The following AGBL4 variants were observed in gnomAD, a reference collection of about 807,000 sequenced individuals.
AGBL4 encodes the protein cytosolic carboxypeptidase 6.
Under a neutral mutation model 66.4 loss-of-function variants are expected in AGBL4, and 58 were observed. The ratio of observed to expected loss-of-function variants is 0.87; its 90% CI spans 0.71 to 1.09. AGBL4 has a LOEUF of 1.09. Among genes scored for constraint, AGBL4 ranks in the 50% least tolerant of loss-of-function variants. The probability of loss-of-function intolerance (pLI) is 0.00; values close to 1 mark genes in which losing one functional copy is unlikely to be tolerated. For synonymous variants in AGBL4, 234 were observed against 222.9 expected (o/e 1.05, Z -0.44); for missense variants, 579 against 631.0 (o/e 0.92, Z 0.88).
At chr1:49,382,973 A>G (rs974466081) in intron 3 of AGBL4, among the ~76,000 whole-genome samples, 1 of 152,130 alleles carries the variant, frequency 6.6e-6, no homozygotes, top group Non-Finnish European at 1.5e-5. Flanking sequence ...GACCCTTTTC[A>G]AAAAAGCAGT....
intron 3 of AGBL4, among the ~76,000 whole-genome samples, chr1:49,408,268 G>GA (rs1253366194): frequency 6.6e-6 from 1 of 152,058 alleles, no homozygotes; most frequent in Non-Finnish European, 1.5e-5. Flanking sequence ...AAGCAAGAAA[G>GA]AAAAAATGCA....
chr1:49,379,479 A>T (rs1164261108), intron 3 of AGBL4, among the ~76,000 whole-genome samples: 1 of 152,176 alleles, frequency 6.6e-6, no homozygotes, highest in Non-Finnish European at 1.5e-5. Context: ...CCATTTTAAA[A>T]TACAGCTCCC....
At chr1:49,142,000 G>T (rs1240870996) in intron 4 of AGBL4, among the ~76,000 whole-genome samples, 1 of 152,074 alleles carries the variant, frequency 6.6e-6, no homozygotes, top group Non-Finnish European at 1.5e-5. Flanking sequence ...CGAGGTGGTG[G>T]GGGGGTGGGA....
At chr1:49,030,749 G>C (rs376576514) in intron 5 of AGBL4, among the ~76,000 whole-genome samples, 1 of 151,128 alleles carries the variant, frequency 6.6e-6, no homozygotes, top group African/African-American at 2.4e-5. Flanking sequence ...GTGCCAAAAA[G>C]GTTGGGGACC....
intron 3 of AGBL4, among the ~76,000 whole-genome samples, chr1:49,257,715 A>T (rs1275663907): frequency 6.6e-6 from 1 of 152,132 alleles, no homozygotes; most frequent in Non-Finnish European, 1.5e-5. Context: ...AGTGAGATGA[A>T]CCCGGTACCT....
At chr1:48,870,480 T>A (rs910065570) in intron 5 of AGBL4, among the ~76,000 whole-genome samples, 1 of 152,218 alleles carries the variant, frequency 6.6e-6, no homozygotes, top group Admixed American at 6.5e-5. Flanking sequence ...TATGCTGTTA[T>A]GCCTCTGCAA....
intron 1 of AGBL4, among the ~76,000 whole-genome samples, chr1:49,880,033 T>C (rs939474406): frequency 2.6e-5 from 4 of 151,598 alleles, no homozygotes; most frequent in Admixed American, 1.3e-4. Flanking sequence ...AGCACTTCTC[T>C]GTATTGGTTA....
At chr1:49,800,984 A>G (rs1644847813) in intron 2 of AGBL4, among the ~76,000 whole-genome samples, 1 of 150,292 alleles carries the variant, frequency 6.7e-6, no homozygotes. Flanking sequence ...TCCCACCAAC[A>G]GTGTAAAAGT....
At chr1:49,119,044 T>C (rs1247928513) in intron 4 of AGBL4, among the ~76,000 whole-genome samples, 2 of 152,184 alleles carry the variant, frequency 1.3e-5, no homozygotes, top group African/African-American at 4.8e-5. Flanking sequence ...GGTGGTGATA[T>C]CCTCTTTATC....
At chr1:49,406,635 T>C (rs190007420) in intron 3 of AGBL4, among the ~76,000 whole-genome samples, 25 of 152,292 alleles carry the variant, frequency 1.6e-4, no homozygotes, top group Admixed American at 7.8e-4. Flanking sequence ...TAAGCTCAAC[T>C]ATACAAATGT....
chr1:49,794,461 G>A (rs1403781916), intron 2 of AGBL4, among the ~76,000 whole-genome samples: 1 of 151,900 alleles, frequency 6.6e-6, no homozygotes, highest in African/African-American at 2.4e-5. Context: ...CAGAGAGGCA[G>A]TAACTTGTCC....
chr1:49,920,568 G>A (rs1008017769), intron 1 of AGBL4, among the ~76,000 whole-genome samples: 20 of 152,040 alleles, frequency 1.3e-4, no homozygotes, highest in African/African-American at 2.9e-4. Context: ...TTAGAATGGC[G>A]ATCATTAAAA....
intron 2 of AGBL4, among the ~76,000 whole-genome samples, chr1:49,804,086 G>A (rs952102197): frequency 1.3e-4 from 20 of 152,068 alleles, no homozygotes; most frequent in Non-Finnish European, 2.4e-4. Context: ...GTTAAAATGT[G>A]GCTGTTACAG....
intron 1 of AGBL4, among the ~76,000 whole-genome samples, chr1:49,921,587 A>C (rs1444207272): frequency 6.6e-6 from 1 of 152,098 alleles, no homozygotes; most frequent in African/African-American, 2.4e-5. Flanking sequence ...CCAAGTCCAA[A>C]AGCCTCAAAA....
At chr1:49,979,612 C>A (rs1658892493) in intron 1 of AGBL4, among the ~76,000 whole-genome samples, 1 of 152,042 alleles carries the variant, frequency 6.6e-6, no homozygotes, top group African/African-American at 2.4e-5. Context: ...TAATAATAAC[C>A]ACTTCCTGTT....
At chr1:49,554,797 G>A (rs755167989) in intron 3 of AGBL4, among the ~76,000 whole-genome samples, 1 of 152,110 alleles carries the variant, frequency 6.6e-6, no homozygotes, top group East Asian at 1.9e-4. Context: ...CCTTCTGGTG[G>A]GTTCATGATC....
intron 3 of AGBL4, among the ~76,000 whole-genome samples, chr1:49,460,380 T>A (rs1452366671): frequency 6.6e-6 from 1 of 151,652 alleles, no homozygotes; most frequent in Non-Finnish European, 1.5e-5. Context: ...TGTTTTCAAG[T>A]TTTTTTGTCT....
intron 6 of AGBL4, among the ~76,000 whole-genome samples, chr1:48,795,738 C>T (rs138455721): frequency 5.1e-4 from 77 of 152,268 alleles, no homozygotes; most frequent in African/African-American, 1.6e-3. Flanking sequence ...CTGCAGCCTC[C>T]GCCTCCTGGG....
At chr1:49,214,922 G>C (rs1306514771) in intron 4 of AGBL4, among the ~76,000 whole-genome samples, 1 of 152,126 alleles carries the variant, frequency 6.6e-6, no homozygotes, top group African/African-American at 2.4e-5. Context: ...ACAAAGGGAA[G>C]TTATTTGTTC....
Sources: allele counts gnomAD v4.1 joint callset (sites outside exome capture counted in the v4.1 genomes callset), GRCh38; gene constraint gnomAD v4.1.1; transcripts MANE v1.5; gene names NCBI Gene and HGNC (gene_info 2026-07-23, HGNC 2026-07-21).